MON2: variants seen among roughly 807,000 people sequenced by gnomAD.
MON2 encodes protein MON2 homolog.
In MON2, 84 loss-of-function variants were observed where a neutral mutation model predicts 208.6. The observed-to-expected ratio is 0.40, with a 90% CI of 0.34 to 0.48. The LOEUF (loss-of-function observed/expected upper bound fraction) is 0.48. MON2 is among the 20% of genes least tolerant of loss of function. The pLI, the probability that MON2 is intolerant of heterozygous loss-of-function variation, is 0.59. For missense variants in MON2, 1,611 were observed against 2,015.4 expected (o/e 0.80, Z 3.84); for synonymous variants, 660 against 694.0 (o/e 0.95, Z 0.77).
At chr12:62,566,127 A>G (rs973113945) in intron 28 of MON2, 96 bp downstream of exon 28, 31 of 1,411,604 alleles carry the variant, frequency 2.2e-5, no homozygotes, top group Admixed American at 8.7e-5. Context: ...GCTTTTTCCA[A>G]TAGTTTTAAT....
intron 8 of MON2, among the ~76,000 whole-genome samples, chr12:62,522,069 C>A (rs1176073123): frequency 6.6e-6 from 1 of 152,036 alleles, no homozygotes; most frequent in East Asian, 1.9e-4. Context: ...GGCTTGTAAT[C>A]CCACCTTCTC....
intron 29 of MON2, among the ~76,000 whole-genome samples, chr12:62,570,015 T>G (rs1268740217): frequency 4.6e-5 from 7 of 152,196 alleles, no homozygotes; most frequent in African/African-American, 1.4e-4. Context: ...CTAATGCAAA[T>G]TGCCTGACAG....
intron 8 of MON2, among the ~76,000 whole-genome samples, chr12:62,523,554 T>C (rs1055249393): frequency 6.6e-6 from 1 of 152,154 alleles, no homozygotes; most frequent in Non-Finnish European, 1.5e-5. Context: ...TATGATTATG[T>C]CCTTTTTTTA....
chr12:62,476,114 GT>G (rs2069062416), intron 1 of MON2, among the ~76,000 whole-genome samples: 1 of 152,142 alleles, frequency 6.6e-6, no homozygotes, highest in African/African-American at 2.4e-5. Context: ...TCTTTGATTT[GT>G]TAAGGAAATT....
rs372807434 is a variant in MON2 at position 62,560,713 on chromosome 12, G to T, written c.3632G>T (p.Arg1211Ile). 3.8e-5 allele frequency: 61 copies of T among 1,613,972 alleles called. No individual in the cohort carries two copies. Among genetic ancestry groups the T allele is most frequent in the Non-Finnish European group, 5.2e-5 (61 of 1,180,020 alleles). Residue 1211 changes from arginine to isoleucine, a missense_variant, in exon 26 of 35, where the codon AGA becomes ATA. Transcript: ENST00000393630. The stretch of plus-strand genomic sequence containing the variant: ...TCAGGCATGAGCAGGCCATTTGTAA[G>T]AACAGATTCCATTGGAGAAAAACTA... ...PISGMSRPFV[R>I]TDSIGEKLGR...
Position 62,486,444 on chromosome 12 carries a change from C to G in MON2, c.175+2211C>G, listed in dbSNP as rs967576914. Among the ~76,000 whole-genome samples, 6 of 152,020 alleles carry G rather than the reference C, an allele frequency of 3.9e-5. No homozygotes were observed. The East Asian group carries it at 1.2e-3, about 29-fold the overall frequency. On this transcript the variant is annotated intron_variant, in intron 2 of 34. Coordinates refer to ENST00000393630, the MANE Select transcript of MON2 (RefSeq NM_015026.3). ...TTATTCAAATCAAGTTAGAACAGAT[C>G]TGGTGCAAATACAATTAATAGTCAT...
At chr12:62,504,482 C>T (rs1420708431) in intron 7 of MON2, among the ~76,000 whole-genome samples, 2 of 151,974 alleles carry the variant, frequency 1.3e-5, no homozygotes, top group Non-Finnish European at 2.9e-5. Flanking sequence ...CTCCTGACCT[C>T]GTGATCTGCC....
At chr12:62,493,822 TGAGATCG>T in intron 2 of MON2, 86 bp from the exon 3 acceptor site, 1 of 961,000 alleles carries the variant, frequency 1.0e-6, no homozygotes, top group Non-Finnish European at 1.4e-6. Flanking sequence ...GGATTTTTTT[TGAGATCG>T]CTATTACTGG....
At chr12:62,534,033 C>T (rs1366716466) in intron 12 of MON2, among the ~76,000 whole-genome samples, 16 of 152,118 alleles carry the variant, frequency 1.1e-4, no homozygotes, top group Admixed American at 1.0e-3. Flanking sequence ...TACACTGCGC[C>T]CTGCCCTCAC....
chr12:62,575,380 C>T (rs188419216), intron 30 of MON2, among the ~76,000 whole-genome samples: 1 of 152,216 alleles, frequency 6.6e-6, no homozygotes, highest in African/African-American at 2.4e-5. Context: ...TAATTGATAA[C>T]TTTGGAGGTC....
Position 62,553,010 on chromosome 12 carries a change from C to A in MON2, c.3046C>A (p.Pro1016Thr), listed in dbSNP as rs763224447. 3.7e-6 allele frequency: 6 copies of A among 1,614,204 alleles called. No homozygotes were observed. The Admixed American group carries it at 1.0e-4, about 27-fold the overall frequency. Reference protein sequence around the residue: ...VVLNRPFHPAPPFDCLWLCLY... With the variant: ...VVLNRPFHPATPFDCLWLCLY... ...TTTAAATCGGCCATTCCACCCTGCACCGCCATTTGATTGCTTGTGGTTATG... is the reference window on the plus strand; with the variant it reads ...TTTAAATCGGCCATTCCACCCTGCAACGCCATTTGATTGCTTGTGGTTATG... Residue 1016 changes from proline to threonine, a missense_variant, in exon 24 of 35, where the codon CCG becomes ACG. Transcript: ENST00000393630.
At chr12:62,525,333 C>A in intron 10 of MON2, 113 bp downstream of exon 10, 1 of 1,062,334 alleles carries the variant, frequency 9.4e-7, no homozygotes, top group Non-Finnish European at 1.4e-6. Flanking sequence ...GTTACCTAAA[C>A]ATGTTGGTAG....
intron 3 of MON2, 112 bp from the exon 4 acceptor site, chr12:62,494,904 T>A: frequency 1.5e-6 from 1 of 679,850 alleles, no homozygotes. Flanking sequence ...GTTTTGTTAT[T>A]GTGATCAAGA....
intron 12 of MON2, among the ~76,000 whole-genome samples, chr12:62,534,226 TA>T (rs34549616): frequency 1.9e-4 from 28 of 147,626 alleles, no homozygotes; most frequent in Admixed American, 4.7e-4. Flanking sequence ...CCCTGTCTCT[TA>T]AAAAAAAAAA....
intron 2 of MON2, among the ~76,000 whole-genome samples, chr12:62,492,122 A>G (rs1214032816): frequency 6.6e-6 from 1 of 152,168 alleles, no homozygotes; most frequent in Non-Finnish European, 1.5e-5. Flanking sequence ...CTGGCATACT[A>G]AGGGACTTTG....
chr12:62,575,399 T>C (rs1314897139), intron 30 of MON2, among the ~76,000 whole-genome samples: 2 of 152,214 alleles, frequency 1.3e-5, no homozygotes, highest in African/African-American at 4.8e-5. Context: ...TCATAAACTT[T>C]TAGATTTTAA....
At chr12:62,568,190 A>G (rs1373671274) in intron 29 of MON2, among the ~76,000 whole-genome samples, 2 of 152,220 alleles carry the variant, frequency 1.3e-5, no homozygotes, top group African/African-American at 4.8e-5. Flanking sequence ...AGATCATGGT[A>G]TATTTTTAAG....
chr12:62,477,052 A>G (rs2069125519), intron 1 of MON2, among the ~76,000 whole-genome samples: 1 of 152,078 alleles, frequency 6.6e-6, no homozygotes, highest in African/African-American at 2.4e-5. Flanking sequence ...TGGGAGACTG[A>G]GGCAGGAGGA....
At chr12:62,584,535 C>T (rs571789460) in intron 32 of MON2, among the ~76,000 whole-genome samples, 26 of 151,942 alleles carry the variant, frequency 1.7e-4, no homozygotes, top group African/African-American at 6.3e-4. Context: ...AACACTGTCT[C>T]TACTAAAAAT....
Sources: allele counts gnomAD v4.1 joint callset (sites outside exome capture counted in the v4.1 genomes callset), GRCh38; gene constraint gnomAD v4.1.1; transcripts MANE v1.5; gene names NCBI Gene and HGNC (gene_info 2026-07-23, HGNC 2026-07-21).